The following FRMD5 variants were observed in gnomAD, a reference collection of about 807,000 sequenced individuals.
FRMD5 encodes the protein FERM domain-containing protein 5.
In FRMD5, 20 loss-of-function variants were observed where a neutral mutation model predicts 69.0. The ratio of observed to expected loss-of-function variants is 0.29; its 90% CI spans 0.20 to 0.42. The LOEUF (loss-of-function observed/expected upper bound fraction) is 0.42, where lower values mean the gene tolerates loss of function less well. Among genes scored for constraint, FRMD5 ranks in the 10% least tolerant of loss-of-function variants. The pLI is 1.00. For synonymous variants in FRMD5, 271 were observed against 260.1 expected (o/e 1.04, Z -0.40); for missense variants, 595 against 708.6 (o/e 0.84, Z 1.82).
intron 1 of FRMD5, among the ~76,000 whole-genome samples, chr15:44,159,015 ATCT>A (rs1361648658): frequency 6.6e-6 from 1 of 152,192 alleles, no homozygotes; most frequent in Non-Finnish European, 1.5e-5. Context: ...GACTGGGAAA[ATCT>A]TCTCAGACAA....
At chr15:44,068,443 TATGG>T (rs1893401020) in intron 1 of FRMD5, among the ~76,000 whole-genome samples, 1 of 152,194 alleles carries the variant, frequency 6.6e-6, no homozygotes, top group Non-Finnish European at 1.5e-5. Flanking sequence ...CATGCTGCAG[TATGG>T]ATGAATCTTT....
At chr15:44,054,493 AAC>A (rs1312482836) in intron 1 of FRMD5, among the ~76,000 whole-genome samples, 2 of 152,208 alleles carry the variant, frequency 1.3e-5, no homozygotes, top group Non-Finnish European at 2.9e-5. Context: ...TGAATGCAAA[AAC>A]ATCTAATACA....
chr15:43,985,531 T>C (rs1188010510), intron 1 of FRMD5, among the ~76,000 whole-genome samples: 2 of 152,144 alleles, frequency 1.3e-5, no homozygotes, highest in Non-Finnish European at 2.9e-5. Context: ...AACTTGGCTA[T>C]AATATGGAGA....
In FRMD5 at chr15:43,874,089, A is replaced by T. The variant is rs2088246282; in HGVS notation, c.1509T>A (p.Arg503=). 6.2e-7 allele frequency: 1 copy of T among 1,614,260 alleles called. No homozygotes were observed. Among genetic ancestry groups the T allele is most frequent in the South Asian group, 1.1e-5 (1 of 91,084 alleles). ...GGAGTCCCATGGTCACAAGGAGCAA[A>T]CGGAGGACACTTAGAACAAACTTAT... The part of the protein sequence containing the change: ...QVNKFVLSVL[R]LLLVTMGLLF... The change falls in exon 14 of 14, where the codon CGT becomes CGA. Residue 503 remains arginine (R), a synonymous_variant. Transcript: ENST00000417257.
chr15:44,156,021 G>A (rs1352574375), intron 1 of FRMD5, among the ~76,000 whole-genome samples: 1 of 152,142 alleles, frequency 6.6e-6, no homozygotes, highest in Non-Finnish European at 1.5e-5. Flanking sequence ...ACAGCACAGT[G>A]TCACAAAAGT....
intron 1 of FRMD5, among the ~76,000 whole-genome samples, chr15:43,951,851 G>A (rs1031231977): frequency 5.9e-5 from 9 of 152,064 alleles, no homozygotes; most frequent in African/African-American, 9.7e-5. Context: ...GAAAATGAAC[G>A]AACAACAACA....
intron 1 of FRMD5, among the ~76,000 whole-genome samples, chr15:44,152,713 A>G (rs1401353491): frequency 6.6e-6 from 1 of 152,202 alleles, no homozygotes; most frequent in African/African-American, 2.4e-5. Context: ...ATGAACAATA[A>G]TGGAACATAC....
intron 1 of FRMD5, among the ~76,000 whole-genome samples, chr15:43,924,774 TG>T (rs1033746149): frequency 5.9e-5 from 9 of 152,204 alleles, no homozygotes; most frequent in Non-Finnish European, 7.3e-5. Context: ...GCCTTCTAAC[TG>T]ATCTTCTGCC....
At chr15:44,029,146 C>A (rs1891567169) in intron 1 of FRMD5, among the ~76,000 whole-genome samples, 1 of 152,118 alleles carries the variant, frequency 6.6e-6, no homozygotes, top group Admixed American at 6.5e-5. Context: ...ACCAGGCAGG[C>A]TGAATTGAAA....
chr15:43,973,123 C>T (rs1397333704), intron 1 of FRMD5, among the ~76,000 whole-genome samples: 2 of 151,798 alleles, frequency 1.3e-5, no homozygotes, highest in Non-Finnish European at 2.9e-5. Flanking sequence ...CCCGGGTTCA[C>T]GCCATTCTCC....
intron 1 of FRMD5, among the ~76,000 whole-genome samples, chr15:43,996,103 T>A (rs1889909867): frequency 6.6e-6 from 1 of 151,916 alleles, no homozygotes; most frequent in Admixed American, 6.6e-5. Context: ...AGCCTGGGGT[T>A]GTGTGGGCTG....
At chr15:43,974,236 A>C (rs1416294852) in intron 1 of FRMD5, among the ~76,000 whole-genome samples, 4 of 152,112 alleles carry the variant, frequency 2.6e-5, no homozygotes, top group Non-Finnish European at 5.9e-5. Context: ...TGACTCCTTA[A>C]GGGTGAATGA....
chr15:44,047,786 C>T lies in FRMD5; in HGVS notation c.103-123477G>A, dbSNP rs549876912. ...CTATTTTTTGTCTCTAATGGTTTGC[C>T]TATTCTGGACATTTTATAAAAAGGG... On this transcript the variant is annotated intron_variant, in intron 1 of 13. Coordinates refer to ENST00000417257, the MANE Select transcript of FRMD5 (RefSeq NM_032892.5). Among the ~76,000 whole-genome samples, 3 of 152,282 alleles carry T rather than the reference C, an allele frequency of 2.0e-5. No homozygotes were observed. The South Asian group carries it at 6.2e-4, about 32-fold the overall frequency.
Position 43,940,395 on chromosome 15 carries a change from T to C in FRMD5, c.103-16086A>G, listed in dbSNP as rs530765009. Among the ~76,000 whole-genome samples the C allele has an allele frequency of 1.6e-4, 25 of 152,232 alleles. No individual in the cohort carries two copies. The East Asian group carries it at 2.7e-3, about 17-fold the overall frequency. ...AATGATAGAATGATTCCCTTGACTA[T>C]CCATTAATTAGAAAGTGAACCTTAT... On this transcript the variant is annotated intron_variant, in intron 1 of 13. Transcript: ENST00000417257.
Position 44,099,762 on chromosome 15 carries a change from G to T in FRMD5, c.102+95191C>A, listed in dbSNP as rs141963998. On this transcript the variant is annotated intron_variant, in intron 1 of 13. Transcript: ENST00000417257. ...AGAGGCCAGCTCTGGGGTACTTTTA[G>T]GCTTGCTATGGAGGCAGCCACAACA... Among the ~76,000 whole-genome samples the T allele has an allele frequency of 2.7e-3, 408 of 152,234 alleles. 2 individuals carry two copies. Among genetic ancestry groups the T allele is most frequent in the African/African-American group, 9.6e-3 (399 of 41,530 alleles).
chr15:43,980,136 G>C (rs1310402612), intron 1 of FRMD5, among the ~76,000 whole-genome samples: 1 of 152,178 alleles, frequency 6.6e-6, no homozygotes, highest in African/African-American at 2.4e-5. Flanking sequence ...GTTTAATGTA[G>C]TATTATGTTG....
Position 43,888,794 on chromosome 15 carries a change from G to T in FRMD5, c.792+15C>A. ...CACCCCAGCCCTCCTTGAAGAGAAG[G>T]AAGCCAGCACTCACCTCTTTCTGAC... On this transcript the variant is annotated intron_variant, in intron 9 of 13. Coordinates refer to ENST00000417257, the MANE Select transcript of FRMD5 (RefSeq NM_032892.5). 1 of 1,610,026 alleles carries T rather than the reference G, an allele frequency of 6.2e-7. No individual in the cohort carries two copies.
chr15:43,941,800 C>A (rs1056830794), intron 1 of FRMD5, among the ~76,000 whole-genome samples: 1 of 152,134 alleles, frequency 6.6e-6, no homozygotes, highest in Non-Finnish European at 1.5e-5. Flanking sequence ...TAAACACTAA[C>A]TTTGAGTTGT....
At chr15:43,981,098 C>G (rs1432647804) in intron 1 of FRMD5, among the ~76,000 whole-genome samples, 1 of 152,166 alleles carries the variant, frequency 6.6e-6, no homozygotes, top group Non-Finnish European at 1.5e-5. Flanking sequence ...TCACTGCAGC[C>G]TCTGTCTCCC....
Sources: gnomAD v4.1 joint callset for allele counts (sites outside exome capture counted in the v4.1 genomes callset) on GRCh38, gnomAD v4.1.1 for gene constraint, MANE v1.5 for transcripts, NCBI Gene and HGNC (gene_info 2026-07-23, HGNC 2026-07-21) for gene names.